Variants in C11orf65 observed in about 807,000 individuals in gnomAD.
C11orf65 encodes protein MFI.
C11orf65 carries 38 observed loss-of-function variants against 35.3 expected under a neutral mutation model. The observed-to-expected ratio is 1.08, with a 90% CI of 0.83 to 1.41. The LOEUF is 1.41. C11orf65 is among the 40% of genes most tolerant of loss of function. The pLI, the probability that C11orf65 is intolerant of heterozygous loss-of-function variation, is 0.00. For missense variants in C11orf65, 370 were observed against 367.1 expected (o/e 1.01, Z -0.06); for synonymous variants, 105 against 114.4 (o/e 0.92, Z 0.53).
chr11:108,384,363 G>A (rs2091938343), intron 8 of C11orf65, among the ~76,000 whole-genome samples: 2 of 152,098 alleles, frequency 1.3e-5, no homozygotes, highest in African/African-American at 2.4e-5. Context: ...TATGAGATAG[G>A]CACTATTCTA....
At chr11:108,450,549 T>C (rs180677419) in intron 2 of C11orf65, among the ~76,000 whole-genome samples, 1 of 141,120 alleles carries the variant, frequency 7.1e-6, no homozygotes, top group Non-Finnish European at 1.5e-5. Flanking sequence ...CCACATGTTG[T>C]CACTCATAGG....
At chr11:108,446,147 T>C (rs1055840047) in intron 2 of C11orf65, among the ~76,000 whole-genome samples, 1 of 152,084 alleles carries the variant, frequency 6.6e-6, no homozygotes, top group African/African-American at 2.4e-5. Flanking sequence ...AGACCAAATC[T>C]ACGTCTGATT....
Position 108,424,066 on chromosome 11 carries a change from A to G in C11orf65, c.174+7680T>C, listed in dbSNP as rs372547085. Among the ~76,000 whole-genome samples the G allele has an allele frequency of 3.5e-3, 527 of 152,294 alleles. 2 individuals are homozygous for G. Among genetic ancestry groups the G allele is most frequent in the African/African-American group, 0.012 (503 of 41,574 alleles). On this transcript the variant is annotated intron_variant, in intron 3 of 8. Transcript: ENST00000393084. ...ACTGGACAGAGAATGAGTTAGACGA[A>G]TTGACAGAAGTAGGCTTTAGAAGGT...
chr11:108,467,267 C>G (rs1162225433), intron 1 of C11orf65, among the ~76,000 whole-genome samples: 1 of 152,050 alleles, frequency 6.6e-6, no homozygotes, highest in Non-Finnish European at 1.5e-5. Context: ...GGGGTTACTC[C>G]CGGGCAGGAC....
At chr11:108,411,287 AT>A (rs1430340395) in intron 3 of C11orf65, among the ~76,000 whole-genome samples, 1 of 152,076 alleles carries the variant, frequency 6.6e-6, no homozygotes, top group East Asian at 1.9e-4. Flanking sequence ...CTACTTCTGT[AT>A]TCTCATTAAT....
chr11:108,368,492 A>G (rs1251938302), intron 2 of C11orf65: 1 of 214,620 alleles, frequency 4.7e-6, no homozygotes, highest in Non-Finnish European at 9.4e-6. Context: ...ATCCCAATAC[A>G]CTGCTGGAGA....
At chr11:108,334,007 T>A (rs766966071) in intron 3 of C11orf65, 4 of 1,473,142 alleles carry the variant, frequency 2.7e-6, no homozygotes, top group South Asian at 2.3e-5. Context: ...TTAAACTAAA[T>A]TTTTTTTATT....
intron 2 of C11orf65, among the ~76,000 whole-genome samples, chr11:108,437,085 C>G (rs1385958766): frequency 4.5e-5 from 4 of 89,218 alleles, no homozygotes; most frequent in Non-Finnish European, 2.1e-5. Context: ...TATTAAGAAC[C>G]CATTACGACA....
intron 2 of C11orf65, among the ~76,000 whole-genome samples, chr11:108,446,205 T>C (rs1460142316): frequency 6.6e-6 from 1 of 151,762 alleles, no homozygotes; most frequent in Non-Finnish European, 1.5e-5. Flanking sequence ...TGGAAAACAC[T>C]CTGCAGGATA....
chr11:108,356,963 A>T (rs2090020532), intron 2 of C11orf65, among the ~76,000 whole-genome samples: 1 of 152,240 alleles, frequency 6.6e-6, no homozygotes, highest in South Asian at 2.1e-4. Flanking sequence ...GAATAGGAAC[A>T]GCTCCGGTAT....
chr11:108,381,289 A>T (rs926063218), downstream of C11orf65, among the ~76,000 whole-genome samples: 4 of 152,190 alleles, frequency 2.6e-5, no homozygotes, highest in Non-Finnish European at 5.9e-5. Flanking sequence ...GTTGAGACTC[A>T]GCAGAACTGA....
intron 2 of C11orf65, among the ~76,000 whole-genome samples, chr11:108,356,452 CT>C (rs776364081): frequency 6.6e-6 from 1 of 150,544 alleles, no homozygotes; most frequent in Non-Finnish European, 1.5e-5. Context: ...AGGAGAATCG[CT>C]TGAACCCAGG....
At chr11:108,334,533 TTG>T (rs2086621464) in intron 3 of C11orf65, among the ~76,000 whole-genome samples, 1 of 151,952 alleles carries the variant, frequency 6.6e-6, no homozygotes, top group African/African-American at 2.4e-5. Context: ...CTTAAATACA[TTG>T]TCTTTCTTTT....
At chr11:108,387,054 C>T (rs572548388) in intron 7 of C11orf65, among the ~76,000 whole-genome samples, 1 of 149,410 alleles carries the variant, frequency 6.7e-6, no homozygotes, top group East Asian at 2.0e-4. Context: ...TGAACTCCAG[C>T]TTGGGTGACA....
intron 2 of C11orf65, among the ~76,000 whole-genome samples, chr11:108,359,582 T>C (rs1335102132): frequency 6.6e-6 from 1 of 151,908 alleles, no homozygotes; most frequent in Non-Finnish European, 1.5e-5. Flanking sequence ...AGAACAGAGA[T>C]TATAACAAAC....
intron 2 of C11orf65, chr11:108,365,326 G>C (rs2091232028): frequency 6.2e-7 from 1 of 1,614,176 alleles, no homozygotes; most frequent in Non-Finnish European, 8.5e-7. Context: ...TGTCCTTAGT[G>C]ATATTGACCA....
chr11:108,352,714 A>G (rs971877824), intron 2 of C11orf65, among the ~76,000 whole-genome samples: 4 of 152,256 alleles, frequency 2.6e-5, no homozygotes, highest in Non-Finnish European at 5.9e-5. Context: ...ATGCCCTGAA[A>G]TACTACTCAG....
In C11orf65 at chr11:108,353,822, C is replaced by T. The variant is rs1555142851; in HGVS notation, c.227-18530G>A. On this transcript the variant is annotated intron_variant, in intron 2 of 3. Transcript: ENST00000524755. ...TACTCCTGAGACAGTTCCTTTTAGACTCACCAGAGATATTGTGGATGGCAT... is the reference window on the plus strand; with the variant it reads ...TACTCCTGAGACAGTTCCTTTTAGATTCACCAGAGATATTGTGGATGGCAT... 6.2e-7 allele frequency: 1 copy of T among 1,614,068 alleles called. No homozygotes were observed. The highest frequency in any genetic ancestry group is 8.5e-7 in the Non-Finnish European group (1 of 1,180,002).
chr11:108,358,599 G>C (rs1271923660), intron 2 of C11orf65, among the ~76,000 whole-genome samples: 4 of 124,932 alleles, frequency 3.2e-5, no homozygotes, highest in East Asian at 2.2e-4. Context: ...CAGATCTCTC[G>C]GCAGAAACCC....
Sources: allele counts gnomAD v4.1 joint callset (sites outside exome capture counted in the v4.1 genomes callset), GRCh38; gene constraint gnomAD v4.1.1; transcripts MANE v1.5; gene names NCBI Gene and HGNC (gene_info 2026-07-23, HGNC 2026-07-21).